The following DYNC2H1 variants were observed in gnomAD, a reference collection of about 807,000 sequenced individuals.
DYNC2H1 encodes the protein cytoplasmic dynein 2 heavy chain 1.
A neutral mutation model predicts 570.0 loss-of-function variants in DYNC2H1; 410 were observed. The observed-to-expected ratio is 0.72, with a 90% confidence interval of 0.66 to 0.78. The LOEUF is 0.78. Among genes scored for constraint, DYNC2H1 ranks in the 30% least tolerant of loss-of-function variants. The probability of loss-of-function intolerance (pLI) is 0.00; values close to 1 mark genes in which losing one functional copy is unlikely to be tolerated. For synonymous variants in DYNC2H1, 1,688 were observed against 1,677.6 expected, an observed-to-expected ratio of 1.01 and a Z score of -0.15; for missense variants, 4,865 against 5,046.4, an observed-to-expected ratio of 0.96 and a Z score of 1.09.
intron 84 of DYNC2H1, among the ~76,000 whole-genome samples, chr11:103,433,570 G>T (rs1943967359): frequency 6.6e-6 from 1 of 152,082 alleles, no homozygotes. Context: ...TCAACTGTGA[G>T]TGAGAGGAGT....
At chr11:103,136,019 T>G in intron 17 of DYNC2H1, 71 bp downstream of exon 17, 1 of 1,268,126 alleles carries the variant, frequency 7.9e-7, no homozygotes, top group Non-Finnish European at 1.1e-6. Flanking sequence ...ACATTAAATG[T>G]ATACATTAAT....
Position 103,299,123 on chromosome 11 carries a change from G to A in DYNC2H1, c.11096-3970G>A, listed in dbSNP as rs1055466226. Among the ~76,000 whole-genome samples the A allele has an allele frequency of 2.6e-5, 4 of 150,978 alleles. No homozygotes were observed. The highest frequency in any genetic ancestry group is 5.9e-5 in the Non-Finnish European group (4 of 67,822). On this transcript the variant is annotated intron_variant, in intron 75 of 88. Transcript: ENST00000375735. The surrounding 1 kb of genome is among the most constrained non-coding windows in gnomAD (Gnocchi z 4.5). ...AATGTAAAGAGACATGTCCCCATAC[G>A]GTGCTACAATAACTACAGTAACCAG...
rs1161143659 is a variant in DYNC2H1 at position 103,163,917 on chromosome 11, C to A, written c.4611+770C>A. Among the ~76,000 whole-genome samples the A allele has an allele frequency of 6.6e-6, 1 of 152,074 alleles. No homozygotes were observed. Among genetic ancestry groups the A allele is most frequent in the Non-Finnish European group, 1.5e-5 (1 of 67,998 alleles). On this transcript the variant is annotated intron_variant, in intron 30 of 88. Transcript: ENST00000375735. The surrounding 1 kb of genome is among the most constrained non-coding windows in gnomAD (Gnocchi z 4.6). The stretch of plus-strand genomic sequence containing the variant: ...TGGAACAGGTTTTTATGTTGATTTT[C>A]TGTAAGTATGGAAGCTTGGAACAGT...
chr11:103,372,046 T>A, intron 83 of DYNC2H1, among the ~76,000 whole-genome samples: 1 of 137,236 alleles, frequency 7.3e-6, no homozygotes, highest in Non-Finnish European at 1.6e-5. Context: ...TTTTTTTTTT[T>A]TTTTTTTTTT....
rs750262824 is a variant in DYNC2H1 at position 103,255,540 on chromosome 11, A to G, written c.10326+6A>G. 9.1e-6 allele frequency: 14 copies of G among 1,534,736 alleles called. No homozygotes were observed. The highest frequency in any genetic ancestry group is 2.5e-5 in the East Asian group (1 of 40,774). ...TCGAAGAATCTCTTCTAGAGGTAAA[A>G]GTCTAGCTATTTAGGTTACTTTTTT... is the stretch of plus-strand genomic sequence containing the variant. On this transcript the variant is annotated splice_donor_region_variant and intron_variant, in intron 67 of 88. Coordinates refer to ENST00000375735, the MANE Select transcript of DYNC2H1 (RefSeq NM_001377.3).
intron 11 of DYNC2H1, among the ~76,000 whole-genome samples, chr11:103,123,209 G>C (rs1353110441): frequency 6.6e-6 from 1 of 151,822 alleles, no homozygotes; most frequent in Non-Finnish European, 1.5e-5. Context: ...TGTTTCTCTT[G>C]TCTGTTCCCC....
intron 1 of DYNC2H1, 37 bp downstream of exon 1, chr11:103,109,806 C>T (rs779164568): frequency 6.3e-7 from 1 of 1,581,338 alleles, no homozygotes; most frequent in South Asian, 1.2e-5. Flanking sequence ...CCCCTGACCA[C>T]TCTTCAAGTC....
chr11:103,424,484 C>T (rs1235945875), intron 84 of DYNC2H1, among the ~76,000 whole-genome samples: 1 of 152,112 alleles, frequency 6.6e-6, no homozygotes, highest in Admixed American at 6.5e-5. Context: ...GAAACGAAAG[C>T]ATATGCCATA....
At chr11:103,434,785 C>T (rs1565596829) in intron 84 of DYNC2H1, among the ~76,000 whole-genome samples, 1 of 152,130 alleles carries the variant, frequency 6.6e-6, no homozygotes, top group African/African-American at 2.4e-5. Flanking sequence ...TTGGTGCCGG[C>T]TGAGAGCTGG....
At position 103,253,467 on chromosome 11, in the gene DYNC2H1, A is replaced by G; in HGVS notation, c.10206+19A>G. 1 of 1,578,546 alleles carries G rather than the reference A, an allele frequency of 6.3e-7. No individual in the cohort carries two copies. Among genetic ancestry groups the G allele is most frequent in the South Asian group, 1.2e-5 (1 of 84,324 alleles). Reference sequence around the variant, plus strand: ...AGGGCAGGTATACATAGATAATAATAATTTACCTTGGAATCTTTTCGAGCT... The same window carrying G: ...AGGGCAGGTATACATAGATAATAATGATTTACCTTGGAATCTTTTCGAGCT... On this transcript the variant is annotated intron_variant, in intron 66 of 88. Coordinates refer to ENST00000375735, the MANE Select transcript of DYNC2H1 (RefSeq NM_001377.3).
chr11:103,468,495 C>T (rs1945268065), intron 87 of DYNC2H1, 94 bp from the exon 88 acceptor site: 2 of 797,042 alleles, frequency 2.5e-6, no homozygotes, highest in Admixed American at 2.4e-5. Context: ...TCGGTGAACA[C>T]AATGGAAAGC....
At chr11:103,364,152 A>G (rs1161686339) in intron 83 of DYNC2H1, among the ~76,000 whole-genome samples, 1 of 152,246 alleles carries the variant, frequency 6.6e-6, no homozygotes, top group Non-Finnish European at 1.5e-5. Context: ...ATATGTGTAA[A>G]GAATCTAATG....
At chr11:103,474,596 AC>A (rs1945495400) in intron 88 of DYNC2H1, among the ~76,000 whole-genome samples, 2 of 152,166 alleles carry the variant, frequency 1.3e-5, no homozygotes, top group South Asian at 4.1e-4. Flanking sequence ...AATTTCAGTT[AC>A]CCACAGTCAG....
chr11:103,378,137 A>C (rs546912780), intron 83 of DYNC2H1, among the ~76,000 whole-genome samples: 2 of 152,154 alleles, frequency 1.3e-5, no homozygotes, highest in South Asian at 4.2e-4. Context: ...TAAAAAATTT[A>C]TGATCCAAAT....
intron 46 of DYNC2H1, 39 bp from the exon 47 acceptor site, chr11:103,192,058 T>C (rs1387365525): frequency 3.5e-5 from 48 of 1,368,800 alleles, no homozygotes; most frequent in Non-Finnish European, 4.9e-6. Context: ...TATTTAAAAA[T>C]CATTATATTA....
At chr11:103,399,555 T>C in intron 83 of DYNC2H1, 108 bp from the exon 84 acceptor site, 2 of 746,862 alleles carry the variant, frequency 2.7e-6, no homozygotes, top group East Asian at 2.8e-5. Flanking sequence ...CATTTCAAAA[T>C]AGTTTTTAAA....
chr11:103,199,465 G>C lies in DYNC2H1; in HGVS notation c.8077G>C (p.Asp2693His), dbSNP rs1297279714. The C allele has an allele frequency of 8.3e-6, 13 of 1,572,672 alleles. No individual in the cohort carries two copies. Among genetic ancestry groups the C allele is most frequent in the South Asian group, 4.9e-5 (4 of 81,802 alleles). The change falls in exon 49 of 89, where the codon GAT becomes CAT. Residue 2693 changes from aspartate to histidine, a missense_variant. Around this residue, in one of 5 missense-constraint regions of DYNC2H1, gnomAD observed 2,401 missense variants for 2,454.6 expected, o/e 0.98. Transcript: ENST00000375735. The surrounding 1 kb of genome is among the most constrained non-coding windows in gnomAD (Gnocchi z 4.6). The part of the protein sequence containing the change: ...RGYELKQFKN[D>H]LKHVLQLAGI... ...ATATGAACTGAAGCAGTTCAAAAAT[G>C]ATCTCAAACATGTGAGTTGCCCACT...
intron 31 of DYNC2H1, among the ~76,000 whole-genome samples, chr11:103,167,625 T>C (rs1246882926): frequency 2.0e-5 from 3 of 152,202 alleles, no homozygotes; most frequent in Non-Finnish European, 2.9e-5. Context: ...ATCTAGATAC[T>C]GGTACTTATT....
At chr11:103,454,043 T>C (rs1944704544) in intron 85 of DYNC2H1, among the ~76,000 whole-genome samples, 1 of 152,086 alleles carries the variant, frequency 6.6e-6, no homozygotes, top group South Asian at 2.1e-4. Flanking sequence ...TAGAGGAACA[T>C]AGGAACATTT....
Sources: allele counts gnomAD v4.1 joint callset (sites outside exome capture counted in the v4.1 genomes callset), GRCh38; gene constraint gnomAD v4.1.1; regional missense constraint gnomAD v4.1.1; non-coding constraint Gnocchi (gnomAD v3.1); transcripts MANE v1.5; gene names NCBI Gene and HGNC (gene_info 2026-07-23, HGNC 2026-07-21).